Variants in IGF1R observed in about 807,000 individuals in gnomAD.
IGF1R encodes insulin like growth factor 1 receptor, also known as insulin-like growth factor 1 receptor.
IGF1R carries 44 observed loss-of-function variants against 144.6 expected under a neutral mutation model. That is an observed-to-expected ratio of 0.30 (90% CI 0.24 to 0.39). IGF1R has a LOEUF of 0.39. Ranked by LOEUF, IGF1R falls within the 10% of genes least tolerant of loss-of-function variation. IGF1R has a pLI of 1.00. For missense variants in IGF1R, 1,355 were observed against 1,833.7 expected (o/e 0.74, Z 4.77); for synonymous variants, 795 against 722.8 (o/e 1.10, Z -1.60).
At chr15:98,699,819 C>A (rs1005431308) in intron 1 of IGF1R, among the ~76,000 whole-genome samples, 1 of 152,138 alleles carries the variant, frequency 6.6e-6, no homozygotes, top group African/African-American at 2.4e-5. Flanking sequence ...GGTGGCTCTG[C>A]GGCAGTAAAA....
At chr15:98,937,288 A>G (rs1181177724) in intron 17 of IGF1R, among the ~76,000 whole-genome samples, 1 of 151,962 alleles carries the variant, frequency 6.6e-6, no homozygotes, top group African/African-American at 2.4e-5. Context: ...CGATTGAGGC[A>G]CCTCTGAAAA....
At chr15:98,880,234 T>C (rs1311226926) in intron 2 of IGF1R, among the ~76,000 whole-genome samples, 3 of 152,200 alleles carry the variant, frequency 2.0e-5, no homozygotes, top group Non-Finnish European at 4.4e-5. Context: ...TGAGCCTCCT[T>C]CTCAGCCTTT....
At chr15:98,895,548 G>T (rs2014152418) in intron 3 of IGF1R, among the ~76,000 whole-genome samples, 1 of 152,142 alleles carries the variant, frequency 6.6e-6, no homozygotes, top group Non-Finnish European at 1.5e-5. Context: ...GTAGAGGAAG[G>T]ACTCTCCCCA....
At chr15:98,735,899 C>T (rs1012792335) in intron 2 of IGF1R, among the ~76,000 whole-genome samples, 7 of 152,238 alleles carry the variant, frequency 4.6e-5, no homozygotes, top group African/African-American at 1.7e-4. Flanking sequence ...CTCCTGCCTC[C>T]TCCCAAAGCT....
intron 2 of IGF1R, among the ~76,000 whole-genome samples, chr15:98,888,653 AG>A (rs2013760762): frequency 1.3e-5 from 2 of 152,122 alleles, no homozygotes; most frequent in African/African-American, 4.8e-5. Flanking sequence ...AATAGCCTGG[AG>A]TCATTGAGAG....
At position 98,957,733 on chromosome 15, in the gene IGF1R, C is replaced by A. The variant is rs558809166; in HGVS notation, c.*291C>A. On this transcript the variant is annotated 3_prime_UTR_variant, in exon 21 of 21. Transcript: ENST00000650285. ...AGCAACAGAGCACTTGAGAACCAGT[C>A]TCCTCACTCTGTCCCTGTCCTTCCC... 431 of 502,688 alleles carry A rather than the reference C, an allele frequency of 8.6e-4. No homozygotes were observed. Among genetic ancestry groups the A allele is most frequent in the Non-Finnish European group, 1.3e-3 (365 of 279,250 alleles). The allele number at this position is 502,688 out of a possible 1,614,324, so 31.1% of individuals were successfully genotyped here.
intron 2 of IGF1R, among the ~76,000 whole-genome samples, chr15:98,722,095 G>A (rs1161050261): frequency 6.6e-6 from 1 of 152,162 alleles, no homozygotes; most frequent in East Asian, 1.9e-4. Flanking sequence ...TCCCTCAGCT[G>A]CACAATTAAG....
At chr15:98,770,850 G>A (rs565999600) in intron 2 of IGF1R, among the ~76,000 whole-genome samples, 2 of 152,122 alleles carry the variant, frequency 1.3e-5, no homozygotes, top group Non-Finnish European at 2.9e-5. Context: ...TGTCAAAATT[G>A]TGTCAAAATT....
chr15:98,754,490 C>G (rs776631702), intron 2 of IGF1R, among the ~76,000 whole-genome samples: 1 of 152,100 alleles, frequency 6.6e-6, no homozygotes, highest in Non-Finnish European at 1.5e-5. Context: ...GATAAACTCC[C>G]AACATGAAAA....
At chr15:98,859,145 A>G (rs1287589122) in intron 2 of IGF1R, among the ~76,000 whole-genome samples, 1 of 152,154 alleles carries the variant, frequency 6.6e-6, no homozygotes, top group Non-Finnish European at 1.5e-5. Flanking sequence ...AGCTCCACTG[A>G]GCTATCATTG....
At chr15:98,937,043 G>C (rs1009103817) in intron 17 of IGF1R, among the ~76,000 whole-genome samples, 9 of 152,050 alleles carry the variant, frequency 5.9e-5, no homozygotes, top group Non-Finnish European at 1.2e-4. Flanking sequence ...GTACCACCAC[G>C]CCCACCTAAT....
rs2053908600 is a variant in IGF1R, at chr15:98,708,090, C to T, written c.623C>T (p.Thr208Ile). ...GAGTACAACTACCGCTGCTGGACCA[C>T]AAACCGCTGCCAGAAAAGTAAGAAT... is the stretch of plus-strand genomic sequence containing the variant. Reference protein sequence around the residue: ...NNEYNYRCWTTNRCQKMCPST... With the variant: ...NNEYNYRCWTINRCQKMCPST... Residue 208 changes from threonine (T) to isoleucine (I), a missense_variant, in exon 2 of 21, where the codon ACA becomes ATA. Coordinates refer to ENST00000650285, the MANE Select transcript of IGF1R (RefSeq NM_000875.5). The T allele has an allele frequency of 6.2e-7, 1 of 1,613,254 alleles. No homozygotes were observed. The highest frequency in any genetic ancestry group is 1.7e-5 in the Admixed American group (1 of 60,002).
At chr15:98,764,979 G>A (rs564383587) in intron 2 of IGF1R, among the ~76,000 whole-genome samples, 4 of 152,182 alleles carry the variant, frequency 2.6e-5, no homozygotes, top group South Asian at 2.1e-4. Flanking sequence ...TCCCCTTTCC[G>A]CTCAGCTCCT....
chr15:98,695,303 A>C (rs1463744353), intron 1 of IGF1R, among the ~76,000 whole-genome samples: 1 of 152,158 alleles, frequency 6.6e-6, no homozygotes, highest in African/African-American at 2.4e-5. Flanking sequence ...GGGTCAAGGC[A>C]TTGGGGTTGA....
intron 2 of IGF1R, among the ~76,000 whole-genome samples, chr15:98,780,986 G>A (rs1256832172): frequency 6.6e-6 from 1 of 152,138 alleles, no homozygotes; most frequent in Non-Finnish European, 1.5e-5. Context: ...GCCGGGAGTC[G>A]TGGCATACAA....
intron 1 of IGF1R, among the ~76,000 whole-genome samples, chr15:98,703,938 C>T (rs1348332437): frequency 1.3e-5 from 2 of 152,134 alleles, no homozygotes; most frequent in African/African-American, 4.8e-5. Context: ...CAGAATGCTT[C>T]AAAAGTTTCA....
rs562524162 is a variant in IGF1R, at chr15:98,964,153, C to T, written c.*6711C>T. On this transcript the variant is annotated 3_prime_UTR_variant, in exon 21 of 21. Transcript: ENST00000650285. ...GGATAAAAAAAATCAAACCAGAAGG[C>T]GGGATGGAATGGATGCACCGCAAAT... The T allele has an allele frequency of 1.9e-4, 44 of 231,810 alleles. No homozygotes were observed. The highest frequency in any genetic ancestry group is 9.6e-4 in the African/African-American group (43 of 44,960). 14.4% of individuals were successfully genotyped at this position (231,810 alleles called of 1,614,324 possible). A position where few individuals can be genotyped will look rare whatever the true frequency, so the allele number is the denominator to read the frequency against.
chr15:98,878,663 CAAAAAAAAAAAAA>C (rs138285597), intron 2 of IGF1R, among the ~76,000 whole-genome samples: 114 of 57,908 alleles, frequency 2.0e-3, no homozygotes, highest in African/African-American at 3.1e-3. Context: ...GTGAAAGACT[CAAAAAAAAAAAAA>C]AAAAAAAAAA....
intron 1 of IGF1R, among the ~76,000 whole-genome samples, chr15:98,674,977 A>ATTTTTTTTTTTTTTTTTTTTTTT (rs71149408): frequency 2.0e-5 from 2 of 98,890 alleles, no homozygotes; most frequent in African/African-American, 8.4e-5. Flanking sequence ...GTATTTTACA[A>ATTTTTTTTTTTTTTTTTTTTTTT]TTTTTTTTTT....
Sources: gnomAD v4.1 joint callset for allele counts (sites outside exome capture counted in the v4.1 genomes callset) on GRCh38, gnomAD v4.1.1 for gene constraint, MANE v1.5 for transcripts, NCBI Gene and HGNC (gene_info 2026-07-23, HGNC 2026-07-21) for gene names.